SCG3: variants seen among roughly 807,000 people sequenced by gnomAD.
SCG3 encodes the protein secretogranin III.
Under a neutral mutation model 56.2 loss-of-function variants are expected in SCG3, and 38 were observed. That is an observed-to-expected ratio of 0.68 (90% CI 0.52 to 0.89). The LOEUF is 0.89. Ranked by LOEUF, SCG3 falls within the 40% of genes least tolerant of loss-of-function variation. The pLI, the probability that SCG3 is intolerant of heterozygous loss-of-function variation, is 0.00. For synonymous variants in SCG3, 176 were observed against 184.2 expected (o/e 0.96, Z 0.36); for missense variants, 524 against 540.7 (o/e 0.97, Z 0.31).
At position 51,720,794 on chromosome 15, in the gene SCG3, C is replaced by T. The variant is rs747702859; in HGVS notation, c.*1268C>T. On this transcript the variant is annotated 3_prime_UTR_variant, in exon 12 of 12. Coordinates refer to ENST00000220478, the MANE Select transcript of SCG3 (RefSeq NM_013243.4). ...ATGCACCCATCAGCACTCTGTAAAACGCACCAATCAGCACTCTGTAAAATG... is the reference window on the plus strand; with the variant it reads ...ATGCACCCATCAGCACTCTGTAAAATGCACCAATCAGCACTCTGTAAAATG... 33 of 164,412 alleles carry T rather than the reference C, an allele frequency of 2.0e-4. No individual in the cohort carries two copies. The highest frequency in any genetic ancestry group is 4.1e-4 in the Non-Finnish European group (32 of 78,378). 10.2% of individuals were successfully genotyped at this position (164,412 alleles called of 1,614,324 possible). A position where few individuals can be genotyped will look rare whatever the true frequency, so the allele number is the denominator to read the frequency against.
intron 7 of SCG3, among the ~76,000 whole-genome samples, chr15:51,692,829 T>C (rs539486908): frequency 3.9e-5 from 6 of 152,250 alleles, no homozygotes; most frequent in Non-Finnish European, 8.8e-5. Flanking sequence ...TGAATCTAAC[T>C]AGTGTATCTA....
At position 51,719,570 on chromosome 15, in the gene SCG3, A is replaced by G. The variant is rs772998191; in HGVS notation, c.*44A>G. ...GAGTCTTTCAACTGTTTCAGAAAAC[A>G]TAATATAGCTTAAAACACTTCTAAT... On this transcript the variant is annotated 3_prime_UTR_variant, in exon 12 of 12. Transcript: ENST00000220478. 1 of 1,343,250 alleles carries G rather than the reference A, an allele frequency of 7.4e-7. No individual in the cohort carries two copies. The highest frequency in any genetic ancestry group is 1.2e-5 in the South Asian group (1 of 83,054). The allele number at this position is 1,343,250 out of a possible 1,614,324, so 83.2% of individuals were successfully genotyped here.
At chr15:51,687,026 C>G (rs2055233741) in intron 4 of SCG3, among the ~76,000 whole-genome samples, 1 of 152,180 alleles carries the variant, frequency 6.6e-6, no homozygotes, top group African/African-American at 2.4e-5. Flanking sequence ...CTAGGCTCTT[C>G]TTTCTTTGAG....
chr15:51,684,553 G>A (rs1250412897), intron 4 of SCG3, among the ~76,000 whole-genome samples: 1 of 152,156 alleles, frequency 6.6e-6, no homozygotes, highest in Non-Finnish European at 1.5e-5. Flanking sequence ...CTCCAGCCTG[G>A]GCGACAGAGC....
intron 10 of SCG3, among the ~76,000 whole-genome samples, chr15:51,701,835 C>T (rs897379001): frequency 3.3e-5 from 5 of 151,928 alleles, no homozygotes; most frequent in East Asian, 3.9e-4. Flanking sequence ...GAGTTCAGGA[C>T]GTGGAGGCTG....
rs1036349901 is a variant in SCG3, at chr15:51,720,725, A to C, written c.*1199A>C. ...AAAATGCACCCATCAGTGCTCTGTA[A>C]AACACACCAATCAGCGCTCTGTAGC... On this transcript the variant is annotated 3_prime_UTR_variant, in exon 12 of 12. Coordinates refer to ENST00000220478, the MANE Select transcript of SCG3 (RefSeq NM_013243.4). The C allele has an allele frequency of 1.3e-5, 2 of 152,688 alleles. No homozygotes were observed. Among genetic ancestry groups the C allele is most frequent in the African/African-American group, 4.8e-5 (2 of 41,430 alleles). 9.5% of individuals were successfully genotyped at this position (152,688 alleles called of 1,614,324 possible). A position where few individuals can be genotyped will look rare whatever the true frequency, so the allele number is the denominator to read the frequency against.
intron 10 of SCG3, among the ~76,000 whole-genome samples, chr15:51,706,185 C>A (rs2141575510): frequency 6.6e-6 from 1 of 152,304 alleles, no homozygotes; most frequent in East Asian, 1.9e-4. Context: ...AGAAAAGCAT[C>A]CATGTGAGTG....
At chr15:51,685,685 A>T (rs1290636518) in intron 4 of SCG3, among the ~76,000 whole-genome samples, 2 of 152,206 alleles carry the variant, frequency 1.3e-5, no homozygotes, top group Non-Finnish European at 2.9e-5. Flanking sequence ...GGGGAAGGTA[A>T]AGGAAGCTAA....
At chr15:51,706,044 T>C (rs969346840) in intron 10 of SCG3, among the ~76,000 whole-genome samples, 40 of 152,166 alleles carry the variant, frequency 2.6e-4, no homozygotes, top group African/African-American at 4.3e-4. Flanking sequence ...AAAAATGTAT[T>C]AATCCCCAAA....
intron 10 of SCG3, among the ~76,000 whole-genome samples, chr15:51,709,789 C>T (rs2055407829): frequency 7.9e-6 from 1 of 125,974 alleles, no homozygotes; most frequent in Admixed American, 9.0e-5. Flanking sequence ...GGCGTGATCT[C>T]TGCTCACTGC....
In SCG3 at chr15:51,709,314, A is replaced by G. The variant is rs185361793; in HGVS notation, c.1208-4019A>G. Among the ~76,000 whole-genome samples, 479 of 152,228 alleles carry G rather than the reference A, an allele frequency of 3.1e-3. 4 individuals carry two copies. Among genetic ancestry groups the G allele is most frequent in the African/African-American group, 0.011 (448 of 41,530 alleles). On this transcript the variant is annotated intron_variant, in intron 10 of 11. Transcript: ENST00000220478. ...TACCTCCTACTGGGTCCCTCCCATG[A>G]CACATGGGGATTATGGGAATGACAA...
At chr15:51,691,439 A>G (rs2055266404) in intron 6 of SCG3, among the ~76,000 whole-genome samples, 1 of 152,202 alleles carries the variant, frequency 6.6e-6, no homozygotes, top group Non-Finnish European at 1.5e-5. Flanking sequence ...GTGATGTTGC[A>G]GTTAGCAGGT....
intron 11 of SCG3, among the ~76,000 whole-genome samples, chr15:51,716,329 G>A (rs999685293): frequency 1.3e-5 from 2 of 152,184 alleles, no homozygotes; most frequent in Non-Finnish European, 2.9e-5. Context: ...AGGAATCATC[G>A]CCTTAGGTGC....
intron 10 of SCG3, among the ~76,000 whole-genome samples, chr15:51,709,696 TATA>T (rs1567222312): frequency 2.5e-4 from 4 of 15,964 alleles, no homozygotes; most frequent in African/African-American, 9.1e-4. Flanking sequence ...TATATATATA[TATA>T]TATTTTTTTT....
intron 4 of SCG3, among the ~76,000 whole-genome samples, chr15:51,686,613 T>A (rs2055230119): frequency 6.6e-6 from 1 of 152,170 alleles, no homozygotes. Flanking sequence ...CACATAATAG[T>A]GAGTCTCTGC....
chr15:51,712,852 G>A (rs763831311), intron 10 of SCG3, among the ~76,000 whole-genome samples: 1 of 152,158 alleles, frequency 6.6e-6, no homozygotes, highest in Non-Finnish European at 1.5e-5. Flanking sequence ...TTGGGCAGAA[G>A]ACTTAGAGCT....
rs148049132 is a variant in SCG3, at chr15:51,720,950, C to T, written c.*1424C>T. 8.7e-3 allele frequency: 1,376 copies of T among 157,402 alleles called. 21 individuals are homozygous for T. The highest frequency in any genetic ancestry group is 0.032 in the African/African-American group (1,312 of 41,640). The allele number at this position is 157,402 out of a possible 1,614,324, so 9.8% of individuals were successfully genotyped here. On this transcript the variant is annotated 3_prime_UTR_variant, in exon 12 of 12. Transcript: ENST00000220478. ...AAAATCTGGCCACCCCAGCCAGCAG[C>T]AGCAACCTGTTCAGGTCGCCTGCCG...
At chr15:51,717,553 A>AC (rs1000670808) in intron 11 of SCG3, among the ~76,000 whole-genome samples, 28 of 150,966 alleles carry the variant, frequency 1.9e-4, no homozygotes, top group African/African-American at 6.8e-4. Flanking sequence ...AAAAAGAAAA[A>AC]AAAAGGATTG....
intron 10 of SCG3, among the ~76,000 whole-genome samples, chr15:51,704,240 CATACATATATATATATATATAT>C (rs1223326132): frequency 1.2e-4 from 7 of 58,826 alleles, no homozygotes; most frequent in Non-Finnish European, 1.6e-4. Context: ...TACATACATA[CATACATATATATATATATATAT>C]ATATATATAT....
Sources: gnomAD v4.1 joint callset for allele counts (sites outside exome capture counted in the v4.1 genomes callset) on GRCh38, gnomAD v4.1.1 for gene constraint, MANE v1.5 for transcripts, NCBI Gene and HGNC (gene_info 2026-07-23, HGNC 2026-07-21) for gene names.